Variants in POLD1 observed in about 807,000 individuals in gnomAD.
POLD1 encodes DNA polymerase delta 1, catalytic subunit.
Under a neutral mutation model 129.7 loss-of-function variants are expected in POLD1, and 79 were observed. That is an observed-to-expected ratio of 0.61 (90% CI 0.51 to 0.73). The LOEUF (loss-of-function observed/expected upper bound fraction) is 0.73, where lower values mean the gene tolerates loss of function less well. POLD1 is among the 30% of genes least tolerant of loss of function. The pLI is 0.00. For missense variants in POLD1, 1,338 were observed against 1,595.8 expected (o/e 0.84, Z 2.75); for synonymous variants, 714 against 683.3 (o/e 1.04, Z -0.70).
chr19:50,412,398 C>T (rs538197403), intron 17 of POLD1, among the ~76,000 whole-genome samples: 1 of 151,930 alleles, frequency 6.6e-6, no homozygotes, highest in African/African-American at 2.4e-5. Context: ...GGTGATCCAC[C>T]TGCCTCGGCC....
rs1293661839 is a variant in POLD1 at position 50,402,604 on chromosome 19, G to T, written c.841-8G>T. The T allele has an allele frequency of 3.8e-6, 6 of 1,572,000 alleles. No individual in the cohort carries two copies. Among genetic ancestry groups the T allele is most frequent in the Non-Finnish European group, 5.2e-6 (6 of 1,158,738 alleles). On this transcript the variant is annotated splice_polypyrimidine_tract_variant and splice_region_variant and intron_variant, in intron 7 of 26. Transcript: ENST00000440232. ...CTGCTGCCACCGCTGACCCACCCATGCCCACAGGCTACGCAGTGCCAGCTG... is the reference window on the plus strand; with the variant it reads ...CTGCTGCCACCGCTGACCCACCCATTCCCACAGGCTACGCAGTGCCAGCTG...
intron 10 of POLD1, 54 bp downstream of exon 10, chr19:50,403,651 G>A (rs909895250): frequency 4.6e-5 from 51 of 1,098,400 alleles, no homozygotes; most frequent in South Asian, 1.7e-4. Context: ...TGTGGCCTCC[G>A]GGCCCTGGGC....
At chr19:50,401,338 A>G (rs34531731) in intron 3 of POLD1, among the ~76,000 whole-genome samples, 11,233 of 135,610 alleles carry the variant, frequency 0.083, 610 homozygotes, top group South Asian at 0.17. Flanking sequence ...ATTTGTACAT[A>G]TAATATGTGT....
chr19:50,412,216 A>C (rs1232694734), intron 17 of POLD1, among the ~76,000 whole-genome samples: 2 of 152,096 alleles, frequency 1.3e-5, no homozygotes, highest in Non-Finnish European at 1.5e-5. Context: ...GCAATGCCAC[A>C]ATCTTGGCTC....
At position 50,413,996 on chromosome 19, in the gene POLD1, C is replaced by T. The variant is rs2039186979; in HGVS notation, c.2388+117C>T. On this transcript the variant is annotated intron_variant, in intron 19 of 26. Coordinates refer to ENST00000440232, the MANE Select transcript of POLD1 (RefSeq NM_002691.4). ...GAAGGGATGTTGCTGCTTAGATTCT[C>T]CTGAGGCTGGGGCCTTGGTTTGGGA... 5 of 1,118,942 alleles carry T rather than the reference C, an allele frequency of 4.5e-6. No individual in the cohort carries two copies. The South Asian group carries it at 8.9e-5, about 20-fold the overall frequency. 69.3% of individuals were successfully genotyped at this position (1,118,942 alleles called of 1,614,324 possible).
chr19:50,415,092 C>T lies in POLD1; in HGVS notation c.2564+102C>T, dbSNP rs3219431. 2.3e-5 allele frequency: 26 copies of T among 1,121,334 alleles called. 2 individuals carry two copies. The South Asian group carries it at 4.0e-4, about 17-fold the overall frequency. The allele number at this position is 1,121,334 out of a possible 1,614,324, so 69.5% of individuals were successfully genotyped here. ...CCCAGCCCCTCCTCCCTCAGACCCA[C>T]GGGTCCAGGCCCCCAGCCCCCTCCT... On this transcript the variant is annotated intron_variant, in intron 20 of 26. Transcript: ENST00000440232.
At chr19:50,417,624 C>T (rs1021065692) in intron 26 of POLD1, among the ~76,000 whole-genome samples, 12 of 151,486 alleles carry the variant, frequency 7.9e-5, no homozygotes, top group East Asian at 1.9e-4. Flanking sequence ...AGGTGATATA[C>T]GGCCAGCCAT....
rs542766287 is a variant in POLD1 at position 50,406,063 on chromosome 19, G to T, written c.1243-119G>T. 2 of 1,213,558 alleles carry T rather than the reference G, an allele frequency of 1.6e-6. No homozygotes were observed. Among genetic ancestry groups the T allele is most frequent in the Non-Finnish European group, 2.3e-6 (2 of 854,918 alleles). The allele number at this position is 1,213,558 out of a possible 1,614,324, so 75.2% of individuals were successfully genotyped here. ...CCCCAGACCGTCTTTCTGCCCCCAG[G>T]GTTGCTCTCGACCCCCTAGGGTTGT... On this transcript the variant is annotated intron_variant, in intron 10 of 26. Coordinates refer to ENST00000440232, the MANE Select transcript of POLD1 (RefSeq NM_002691.4). The surrounding 1 kb of genome is among the most constrained non-coding windows in gnomAD (Gnocchi z 5.5).
chr19:50,401,385 ATATATATTTTTTTT>A (rs2038610337), intron 3 of POLD1, among the ~76,000 whole-genome samples: 1 of 58,264 alleles, frequency 1.7e-5, no homozygotes, highest in South Asian at 4.8e-4. Flanking sequence ...ATATATATAT[ATATATATTTTTTTT>A]TTTTTTTTTT....
chr19:50,408,963 C>T, intron 15 of POLD1, 62 bp downstream of exon 15: 2 of 1,516,036 alleles, frequency 1.3e-6, no homozygotes, highest in Non-Finnish European at 1.8e-6. Flanking sequence ...TTGGGGGGCT[C>T]AGTCTGGTGG....
At chr19:50,396,093 GT>G (rs566835820) in intron 1 of POLD1, among the ~76,000 whole-genome samples, 16 of 99,002 alleles carry the variant, frequency 1.6e-4, no homozygotes, top group Non-Finnish European at 1.7e-4. Context: ...GTTTTTTTTT[GT>G]TTTTTTTTTT....
Position 50,416,103 on chromosome 19 carries a change from C to T in POLD1, c.2820+277C>T, listed in dbSNP as rs893879010. The T allele has an allele frequency of 6.9e-6, 4 of 576,512 alleles. No homozygotes were observed. In the African/African-American group the frequency reaches 7.5e-5, roughly 11 times the overall value. The allele number at this position is 576,512 out of a possible 1,614,324, so 35.7% of individuals were successfully genotyped here. On this transcript the variant is annotated intron_variant, in intron 22 of 26. Coordinates refer to ENST00000440232, the MANE Select transcript of POLD1 (RefSeq NM_002691.4). ...CCCTTGGATTCATAATCCTCCAGCT[C>T]TACCCCCACCCCCAGTGACCCACAT...
intron 3 of POLD1, among the ~76,000 whole-genome samples, chr19:50,400,770 C>G (rs1281257031): frequency 2.0e-5 from 3 of 150,246 alleles, no homozygotes; most frequent in African/African-American, 7.3e-5. Context: ...GATCTCGGCT[C>G]ACTGCAAGCT....
chr19:50,417,550 C>T (rs1047480216), intron 26 of POLD1, among the ~76,000 whole-genome samples: 1 of 152,114 alleles, frequency 6.6e-6, no homozygotes. Context: ...GGCCCCCTCC[C>T]CAGGGCGGGG....
At chr19:50,397,638 C>CAA (rs1568613322) in intron 1 of POLD1, among the ~76,000 whole-genome samples, 1 of 151,914 alleles carries the variant, frequency 6.6e-6, no homozygotes, top group South Asian at 2.1e-4. Flanking sequence ...CTCCTGACCT[C>CAA]GTGATCCGCC....
chr19:50,416,070 C>T (rs973026840), intron 22 of POLD1: 21 of 574,594 alleles, frequency 3.7e-5, no homozygotes, highest in East Asian at 1.7e-4. Flanking sequence ...GCTCCCCAGC[C>T]GGGGGTTCCC....
In POLD1 at chr19:50,406,561, C is replaced by T. The variant is rs1305986580; in HGVS notation, c.1494+44C>T. ...ACCTCTCACCCCAACCTCTGACCTC[C>T]ACCTCACCCTTCCCCGGCCTCTGAC... On this transcript the variant is annotated intron_variant, in intron 12 of 26. Coordinates refer to ENST00000440232, the MANE Select transcript of POLD1 (RefSeq NM_002691.4). The surrounding 1 kb of genome is among the most constrained non-coding windows in gnomAD (Gnocchi z 5.5). 1.0e-5 allele frequency: 14 copies of T among 1,396,938 alleles called. No individual in the cohort carries two copies. The highest frequency in any genetic ancestry group is 1.2e-5 in the Non-Finnish European group (12 of 1,007,602). 86.5% of individuals were successfully genotyped at this position (1,396,938 alleles called of 1,614,324 possible). A position where few individuals can be genotyped will look rare whatever the true frequency, so the allele number is the denominator to read the frequency against.
At chr19:50,402,884 A>C in intron 8 of POLD1, 143 bp downstream of exon 8, 2 of 1,354,300 alleles carry the variant, frequency 1.5e-6, no homozygotes, top group Non-Finnish European at 2.0e-6. Flanking sequence ...TGGAGTGAGC[A>C]CAGAGGGTGT....
intron 19 of POLD1, among the ~76,000 whole-genome samples, chr19:50,414,439 C>T (rs2039200719): frequency 6.6e-6 from 1 of 152,248 alleles, no homozygotes; most frequent in Non-Finnish European, 1.5e-5. Context: ...TCTCTCGTGC[C>T]AGGCCTTGGA....
Sources: gnomAD v4.1 joint callset for allele counts (sites outside exome capture counted in the v4.1 genomes callset) on GRCh38, gnomAD v4.1.1 for gene constraint, Gnocchi (gnomAD v3.1) non-coding constraint, MANE v1.5 for transcripts, NCBI Gene and HGNC (gene_info 2026-07-23, HGNC 2026-07-21) for gene names.